The following CYP4A22 variants were observed in gnomAD, a reference collection of about 807,000 sequenced individuals.
CYP4A22 encodes the protein cytochrome P450 4A22.
CYP4A22 carries 46 observed loss-of-function variants against 56.2 expected under a neutral mutation model. That is an observed-to-expected ratio of 0.82 (90% CI 0.65 to 1.05). The LOEUF (loss-of-function observed/expected upper bound fraction) is 1.05. CYP4A22 is among the 50% of genes least tolerant of loss of function. The probability of loss-of-function intolerance (pLI) is 0.00; values close to 1 mark genes in which losing one functional copy is unlikely to be tolerated. For missense variants in CYP4A22, 541 were observed against 645.9 expected (o/e 0.84, Z 1.76); for synonymous variants, 193 against 251.1 (o/e 0.77, Z 2.19).
chr1:47,145,740 T>C lies in CYP4A22; in HGVS notation c.1223-126T>C, dbSNP rs1569814505. On this transcript the variant is annotated intron_variant, in intron 9 of 11. Transcript: ENST00000371891. ...ACCCACCTGCATAATGGCAGAATCA[T>C]CCTAGTCAAAGTGACAATTTATAGA... 1.0e-5 allele frequency: 14 copies of C among 1,373,406 alleles called. No homozygotes were observed. In the East Asian group the frequency reaches 3.2e-4, roughly 31 times the overall value. The allele number at this position is 1,373,406 out of a possible 1,614,324, so 85.1% of individuals were successfully genotyped here.
At chr1:47,145,114 T>A in intron 9 of CYP4A22, 144 bp downstream of exon 9, 1 of 1,403,450 alleles carries the variant, frequency 7.1e-7, no homozygotes, top group Non-Finnish European at 9.5e-7. Flanking sequence ...GTATTTAGGA[T>A]GAATTTGAAA....
intron 4 of CYP4A22, among the ~76,000 whole-genome samples, chr1:47,142,971 T>C (rs1645029579): frequency 6.6e-6 from 1 of 152,192 alleles, no homozygotes; most frequent in Admixed American, 6.5e-5. Context: ...AACAACAAAA[T>C]TTTCACAAGC....
In CYP4A22 at chr1:47,140,184, T is replaced by C. The variant is rs527256679; in HGVS notation, c.196-596T>C. ...ATAAGAAACCCAAATCTCAAAATTA[T>C]AGTCCAACACCAGCACCATATGCAT... On this transcript the variant is annotated intron_variant, in intron 1 of 11. Coordinates refer to ENST00000371891, the MANE Select transcript of CYP4A22 (RefSeq NM_001010969.4). 5.1e-4 allele frequency among the ~76,000 whole-genome samples: 78 copies of C among 152,322 alleles called. 1 individual carries two copies. The highest frequency in any genetic ancestry group is 3.7e-4 in the Non-Finnish European group (25 of 68,022).
At chr1:47,139,650 G>A (rs1288882107) in intron 1 of CYP4A22, among the ~76,000 whole-genome samples, 2 of 152,210 alleles carry the variant, frequency 1.3e-5, no homozygotes, top group Non-Finnish European at 2.9e-5. Context: ...CTGAATGAAG[G>A]AGCCTACCCC....
intron 9 of CYP4A22, 26 bp downstream of exon 9, chr1:47,144,996 C>A (rs766192752): frequency 3.5e-5 from 57 of 1,613,352 alleles, no homozygotes; most frequent in Non-Finnish European, 4.7e-5. Context: ...ACCCTCTCAC[C>A]CAAAGTCTCC....
chr1:47,147,905 G>A (rs182374865), intron 11 of CYP4A22, among the ~76,000 whole-genome samples: 7 of 152,288 alleles, frequency 4.6e-5, no homozygotes, highest in Admixed American at 2.0e-4. Context: ...TGCAGGGAGG[G>A]GAAGCAGAAA....
intron 5 of CYP4A22, 111 bp from the exon 6 acceptor site, chr1:47,143,651 C>A (rs1030113463): frequency 7.0e-7 from 1 of 1,438,646 alleles, no homozygotes; most frequent in African/African-American, 1.4e-5. Context: ...AGAAACATTG[C>A]CTCAAGGCTG....
chr1:47,138,626 T>TTGCAA (rs1382817851), intron 1 of CYP4A22, among the ~76,000 whole-genome samples: 2 of 152,248 alleles, frequency 1.3e-5, no homozygotes, highest in Non-Finnish European at 2.9e-5. Context: ...TGAGATTATT[T>TTGCAA]TGCAATTTTT....
chr1:47,148,566 G>A (rs1195285559), intron 11 of CYP4A22, 36 bp from the exon 12 acceptor site: 1 of 1,575,166 alleles, frequency 6.3e-7, no homozygotes, highest in Admixed American at 1.8e-5. Context: ...TGGGGCCTGA[G>A]GACACGTCTC....
Position 47,149,000 on chromosome 1 carries a change from G to A in CYP4A22, c.*203G>A. On this transcript the variant is annotated 3_prime_UTR_variant, in exon 12 of 12. Coordinates refer to ENST00000371891, the MANE Select transcript of CYP4A22 (RefSeq NM_001010969.4). ...CTCCTACCCACCTGTATATCTTGTT[G>A]GGAGAAAAGCTGAGTGTTGGGAGAA... is the stretch of plus-strand genomic sequence containing the variant. 3.6e-6 allele frequency: 2 copies of A among 552,774 alleles called. No individual in the cohort carries two copies. The highest frequency in any genetic ancestry group is 6.0e-6 in the Non-Finnish European group (2 of 332,292). The allele number at this position is 552,774 out of a possible 1,614,324, so 34.2% of individuals were successfully genotyped here.
Position 47,144,466 on chromosome 1 carries a change from G to C in CYP4A22, c.897+3G>C. ...TGGACATCCTCCTCTTGGCCAAAGTGAGTATGTGTAGGAGAGGCCTGAGTC... is the reference window on the plus strand; with the variant it reads ...TGGACATCCTCCTCTTGGCCAAAGTCAGTATGTGTAGGAGAGGCCTGAGTC... On this transcript the variant is annotated splice_donor_region_variant and intron_variant, in intron 7 of 11. Coordinates refer to ENST00000371891, the MANE Select transcript of CYP4A22 (RefSeq NM_001010969.4). 4 of 1,614,024 alleles carry C rather than the reference G, an allele frequency of 2.5e-6. No homozygotes were observed. Among genetic ancestry groups the C allele is most frequent in the Non-Finnish European group, 3.4e-6 (4 of 1,179,864 alleles).
intron 11 of CYP4A22, among the ~76,000 whole-genome samples, chr1:47,147,804 G>A (rs72637980): frequency 0.14 from 21,335 of 152,192 alleles, 1,593 homozygotes; most frequent in South Asian, 0.25. Context: ...AAGAGCCCAC[G>A]GAGGGCTTGT....
At chr1:47,147,451 G>T in intron 11 of CYP4A22, 1 of 982,624 alleles carries the variant, frequency 1.0e-6, no homozygotes, top group Non-Finnish European at 1.2e-6. Flanking sequence ...AGAAAACAGA[G>T]ATAAAAGGTA....
At chr1:47,144,071 G>C (rs1407030058) in intron 6 of CYP4A22, among the ~76,000 whole-genome samples, 155 bp downstream of exon 6, 1 of 152,240 alleles carries the variant, frequency 6.6e-6, no homozygotes, top group Non-Finnish European at 1.5e-5. Context: ...GAGCCAAGAT[G>C]TGAGGGGCCG....
At chr1:47,145,996 C>T in intron 10 of CYP4A22, 66 bp downstream of exon 10, 1 of 1,614,070 alleles carries the variant, frequency 6.2e-7, no homozygotes, top group Non-Finnish European at 8.5e-7. Context: ...CCTGCTTCCA[C>T]CTCTGGGAGT....
intron 3 of CYP4A22, 43 bp from the exon 4 acceptor site, chr1:47,142,065 A>G (rs766314584): frequency 1.3e-6 from 2 of 1,579,856 alleles, no homozygotes; most frequent in African/African-American, 1.3e-5. Flanking sequence ...AGGTCCGTGC[A>G]GCCTCTGATA....
intron 1 of CYP4A22, among the ~76,000 whole-genome samples, chr1:47,139,943 T>G (rs1428476876): frequency 6.6e-6 from 1 of 151,860 alleles, no homozygotes; most frequent in Non-Finnish European, 1.5e-5. Context: ...CCCAGAAGAG[T>G]GAGCAGGTGT....
intron 9 of CYP4A22, 40 bp downstream of exon 9, chr1:47,145,010 G>A (rs1645061005): frequency 6.2e-7 from 1 of 1,610,996 alleles, no homozygotes; most frequent in Non-Finnish European, 8.5e-7. Flanking sequence ...AGTCTCCACG[G>A]GGACGTGTGG....
chr1:47,146,183 G>C (rs373898678), intron 11 of CYP4A22, 30 bp downstream of exon 11: 4 of 1,614,180 alleles, frequency 2.5e-6, no homozygotes, highest in South Asian at 1.1e-5. Flanking sequence ...AATTGGAATA[G>C]AGAAATGAGG....
Sources: allele counts gnomAD v4.1 joint callset (sites outside exome capture counted in the v4.1 genomes callset), GRCh38; gene constraint gnomAD v4.1.1; transcripts MANE v1.5; gene names NCBI Gene and HGNC (gene_info 2026-07-23, HGNC 2026-07-21).